CNTNAP4: variants seen among roughly 807,000 people sequenced by gnomAD.
The protein encoded by CNTNAP4 is contactin-associated protein-like 4.
CNTNAP4 carries 98 observed loss-of-function variants against 148.4 expected under a neutral mutation model. The observed-to-expected ratio is 0.66, with a 90% CI of 0.56 to 0.78. CNTNAP4 has a LOEUF of 0.78. Ranked by LOEUF, CNTNAP4 falls within the 30% of genes least tolerant of loss-of-function variation. The pLI, the probability that CNTNAP4 is intolerant of heterozygous loss-of-function variation, is 0.00. For missense variants in CNTNAP4, 1,935 were observed against 1,565.6 expected (o/e 1.24, Z -3.98); for synonymous variants, 730 against 565.1 (o/e 1.29, Z -4.14).
chr16:76,327,043 G>A lies in CNTNAP4; in HGVS notation c.196+10520G>A, dbSNP rs138472240. On this transcript the variant is annotated intron_variant, in intron 2 of 23. Coordinates refer to ENST00000611870, the MANE Select transcript of CNTNAP4 (RefSeq NM_033401.5). ...AAATTAAGATGTGTCATGTGGATTG[G>A]ACATGTCTTCTTTTCCAACATTTAT... 5.3e-3 allele frequency among the ~76,000 whole-genome samples: 805 copies of A among 152,226 alleles called. 7 individuals carry two copies. The highest frequency in any genetic ancestry group is 0.018 in the African/African-American group (762 of 41,540).
chr16:76,518,762 A>G (rs571900500), intron 15 of CNTNAP4, among the ~76,000 whole-genome samples: 1 of 152,148 alleles, frequency 6.6e-6, no homozygotes, highest in East Asian at 1.9e-4. Flanking sequence ...AACTGTAGTC[A>G]CCCCAGTCTG....
intron 3 of CNTNAP4, among the ~76,000 whole-genome samples, chr16:76,387,100 T>A (rs2016577293): frequency 6.6e-6 from 1 of 152,182 alleles, no homozygotes; most frequent in Admixed American, 6.5e-5. Flanking sequence ...CAGTGAAACC[T>A]GTGTCAGATT....
chr16:76,554,934 A>G (rs1357438013), intron 23 of CNTNAP4, among the ~76,000 whole-genome samples: 2 of 151,228 alleles, frequency 1.3e-5, no homozygotes, highest in Non-Finnish European at 1.5e-5. Context: ...TCTCTTTCCC[A>G]TTTCTCTTCT....
intron 2 of CNTNAP4, 84 bp from the exon 3 acceptor site, chr16:76,355,234 G>C (rs1326678232): frequency 9.9e-7 from 1 of 1,006,466 alleles, no homozygotes; most frequent in Non-Finnish European, 1.4e-6. Context: ...GAGGAATACA[G>C]TCGTACTGGC....
intron 17 of CNTNAP4, among the ~76,000 whole-genome samples, chr16:76,523,417 T>C (rs894122867): frequency 3.3e-5 from 5 of 152,170 alleles, no homozygotes; most frequent in Non-Finnish European, 5.9e-5. Context: ...TCTTAATATT[T>C]ATATCAGAAT....
At position 76,322,070 on chromosome 16, in the gene CNTNAP4, G is replaced by C. The variant is rs143813834; in HGVS notation, c.196+5547G>C. ...TACTTGTGGAGTTTGTTGGAAAACA[G>C]AACATGCCAGCAATTTATTTGCTTC... On this transcript the variant is annotated intron_variant, in intron 2 of 23. Transcript: ENST00000611870. Among the ~76,000 whole-genome samples the C allele has an allele frequency of 2.2e-3, 337 of 152,236 alleles. 1 individual carries two copies. The highest frequency in any genetic ancestry group is 3.5e-3 in the Non-Finnish European group (236 of 68,008).
intron 2 of CNTNAP4, among the ~76,000 whole-genome samples, chr16:76,324,365 G>A (rs997500016): frequency 6.6e-6 from 1 of 152,146 alleles, no homozygotes; most frequent in Non-Finnish European, 1.5e-5. Flanking sequence ...ACATGCAGGT[G>A]CAATGAATAA....
chr16:76,445,034 A>C (rs889936159), intron 4 of CNTNAP4, among the ~76,000 whole-genome samples: 1 of 152,162 alleles, frequency 6.6e-6, no homozygotes, highest in Admixed American at 6.5e-5. Flanking sequence ...GTTTCTCAGC[A>C]ATCCTCAGAG....
intron 8 of CNTNAP4, among the ~76,000 whole-genome samples, chr16:76,454,607 A>G (rs1279978914): frequency 1.3e-5 from 2 of 152,066 alleles, no homozygotes; most frequent in East Asian, 1.9e-4. Flanking sequence ...TTCTTTCACA[A>G]TATTATTTTT....
At chr16:76,454,307 G>A (rs1262576824) in intron 8 of CNTNAP4, among the ~76,000 whole-genome samples, 3 of 151,914 alleles carry the variant, frequency 2.0e-5, no homozygotes, top group Non-Finnish European at 4.4e-5. Flanking sequence ...TTGAGACAGG[G>A]TTTCTCCATG....
intron 17 of CNTNAP4, among the ~76,000 whole-genome samples, chr16:76,526,572 C>A (rs1053600514): frequency 1.3e-5 from 2 of 152,114 alleles, no homozygotes; most frequent in Non-Finnish European, 2.9e-5. Flanking sequence ...ATGAATTGGT[C>A]ATTGATGTTA....
In CNTNAP4 at chr16:76,295,669, C is replaced by T. The variant is rs1026886222; in HGVS notation, c.85+17922C>T. On this transcript the variant is annotated intron_variant, in intron 1 of 23. Transcript: ENST00000611870. ...ACGTAGGACTGACAGCACGTCATGG[C>T]TGTCGGAAAGTAGTGACATGTGAGA... 5.9e-5 allele frequency among the ~76,000 whole-genome samples: 9 copies of T among 152,168 alleles called. No individual in the cohort carries two copies. The South Asian group carries it at 1.9e-3, about 31-fold the overall frequency.
chr16:76,553,272 T>G lies in CNTNAP4; in HGVS notation c.3443-11T>G. On this transcript the variant is annotated splice_polypyrimidine_tract_variant and intron_variant, in intron 21 of 23. Transcript: ENST00000611870. ...CACTACTAATATTTCGGTGTTTCTTTGAATTTCTAGAACACAGTGATGTGG... is the reference window on the plus strand; with the variant it reads ...CACTACTAATATTTCGGTGTTTCTTGGAATTTCTAGAACACAGTGATGTGG... 1 of 1,550,818 alleles carries G rather than the reference T, an allele frequency of 6.4e-7. No individual in the cohort carries two copies. The highest frequency in any genetic ancestry group is 8.8e-7 in the Non-Finnish European group (1 of 1,131,348).
At chr16:76,521,447 ATTAAC>A in intron 16 of CNTNAP4, 137 bp downstream of exon 16, 1 of 627,362 alleles carries the variant, frequency 1.6e-6, no homozygotes, top group Non-Finnish European at 2.6e-6. Context: ...ACTCAATAAT[ATTAAC>A]TTATCCTGTT....
chr16:76,333,731 T>A (rs1268077303), intron 2 of CNTNAP4, among the ~76,000 whole-genome samples: 1 of 151,388 alleles, frequency 6.6e-6, no homozygotes, highest in Admixed American at 6.6e-5. Context: ...AATCAGATGA[T>A]CTCTTCCTCC....
chr16:76,419,187 C>G (rs558145377), intron 3 of CNTNAP4, among the ~76,000 whole-genome samples: 86 of 152,046 alleles, frequency 5.7e-4, no homozygotes, highest in African/African-American at 1.9e-3. Flanking sequence ...TTCCTGGCTA[C>G]TAGGTTTCCA....
At chr16:76,361,944 C>G (rs908655538) in intron 3 of CNTNAP4, among the ~76,000 whole-genome samples, 4 of 152,100 alleles carry the variant, frequency 2.6e-5, no homozygotes, top group African/African-American at 9.7e-5. Context: ...TATCTTTTCA[C>G]CAACCTGCTG....
Position 76,553,443 on chromosome 16 carries a change from C to G in CNTNAP4, c.3603C>G (p.Ser1201Arg), listed in dbSNP as rs903358885. ...VTVTGHVTES[S>R]CMAQPGTDAT... ...TTACAGGACACGTGACTGAGTCCAG[C>G]TGTATGGCCCAGCCTGGCACTGATG... Residue 1201 changes from serine (S) to arginine (R), a missense_variant, in exon 22 of 24, where the codon AGC becomes AGG. Ser to Arg is a moderately radical substitution (Grantham distance 110). Coordinates refer to ENST00000611870, the MANE Select transcript of CNTNAP4 (RefSeq NM_033401.5). 6.2e-6 allele frequency: 10 copies of G among 1,612,522 alleles called. No individual in the cohort carries two copies. In the African/African-American group the frequency reaches 6.7e-5, roughly 11 times the overall value.
chr16:76,501,796 C>T (rs1246593270), intron 15 of CNTNAP4, among the ~76,000 whole-genome samples: 1 of 152,166 alleles, frequency 6.6e-6, no homozygotes, highest in African/African-American at 2.4e-5. Context: ...TACGGCCGGG[C>T]GCGGTGGCTC....
Sources: allele counts gnomAD v4.1 joint callset (sites outside exome capture counted in the v4.1 genomes callset), GRCh38; gene constraint gnomAD v4.1.1; transcripts MANE v1.5; gene names NCBI Gene and HGNC (gene_info 2026-07-23, HGNC 2026-07-21).